PVT1: variants seen among roughly 807,000 people sequenced by gnomAD.
The protein encoded by PVT1 is Pvt1 oncogene.
intron 3 of PVT1, among the ~76,000 whole-genome samples, chr8:127,987,465 G>A (rs1272952981): frequency 6.6e-6 from 1 of 152,188 alleles, no homozygotes; most frequent in Non-Finnish European, 1.5e-5. Flanking sequence ...TAGAAAGAGG[G>A]GAGGCCTTTT....
At chr8:128,008,739 G>A (rs1817276454) in intron 4 of PVT1, among the ~76,000 whole-genome samples, 1 of 152,184 alleles carries the variant, frequency 6.6e-6, no homozygotes, top group Non-Finnish European at 1.5e-5. Flanking sequence ...CCCTGACCAT[G>A]CTGGGCACAA....
intron 3 of PVT1, among the ~76,000 whole-genome samples, chr8:127,963,165 AC>A (rs1816666013): frequency 6.6e-6 from 1 of 151,902 alleles, no homozygotes; most frequent in East Asian, 1.9e-4. Context: ...GAGATCTTCC[AC>A]CCCTCGCACG....
rs569734505 is a variant in PVT1, at chr8:127,950,048, T to C, written n.783-39114T>C. 1.1e-4 allele frequency among the ~76,000 whole-genome samples: 16 copies of C among 152,358 alleles called. No homozygotes were observed. The South Asian group carries it at 3.3e-3, about 32-fold the overall frequency. ...GGGAGTTTCCCTCCAACTTAAGCCA[T>C]TAGAAAGCTCATTTATTGAGCACTT... On this transcript the variant is annotated intron_variant and non_coding_transcript_variant, in intron 3 of 10. Coordinates refer to ENST00000651587, the Ensembl canonical transcript of PVT1.
At chr8:128,013,337 A>ATGT (rs1262597276) in intron 4 of PVT1, among the ~76,000 whole-genome samples, 1 of 152,092 alleles carries the variant, frequency 6.6e-6, no homozygotes, top group Non-Finnish European at 1.5e-5. Flanking sequence ...TTATCATTGT[A>ATGT]ATAGCTGCAT....
chr8:127,845,829 T>G (rs893076085), intron 2 of PVT1, among the ~76,000 whole-genome samples: 1 of 152,200 alleles, frequency 6.6e-6, no homozygotes, highest in African/African-American at 2.4e-5. Context: ...GGATTTTGTG[T>G]TCAAAAGAGA....
intron 3 of PVT1, among the ~76,000 whole-genome samples, chr8:127,934,463 G>A (rs1432947612): frequency 2.0e-5 from 3 of 152,300 alleles, no homozygotes; most frequent in East Asian, 1.9e-4. Context: ...GGGATGGGAG[G>A]AAGTTGGTCT....
chr8:127,878,317 T>C (rs1222976739), intron 2 of PVT1, among the ~76,000 whole-genome samples: 1 of 152,222 alleles, frequency 6.6e-6, no homozygotes, highest in African/African-American at 2.4e-5. Context: ...CCTGATTAAA[T>C]GGGAGCTTTT....
intron 2 of PVT1, among the ~76,000 whole-genome samples, chr8:127,881,855 C>T (rs7014504): frequency 0.45 from 68,477 of 151,762 alleles, 16,221 homozygotes; most frequent in East Asian, 0.81. Context: ...AATCCTCTTA[C>T]CTCAGCCTCC....
At chr8:127,950,282 G>A (rs183062439) in intron 3 of PVT1, among the ~76,000 whole-genome samples, 119 of 152,322 alleles carry the variant, frequency 7.8e-4, no homozygotes, top group Middle Eastern at 6.8e-3. Flanking sequence ...GCCCCGTGGC[G>A]GCATGCTGTT....
At chr8:127,948,262 C>T (rs889966647) in intron 3 of PVT1, 4 of 265,808 alleles carry the variant, frequency 1.5e-5, no homozygotes, top group Non-Finnish European at 2.2e-5. Context: ...AGAGGTATTC[C>T]CTGAGCCCCA....
rs142500647 is a variant in PVT1, at chr8:127,821,767, G to A, written n.372+25696G>A. Among the ~76,000 whole-genome samples, 79 of 151,806 alleles carry A rather than the reference G, an allele frequency of 5.2e-4. 1 individual carries two copies. The East Asian group carries it at 0.015, about 29-fold the overall frequency. On this transcript the variant is annotated intron_variant and non_coding_transcript_variant, in intron 2 of 10. Coordinates refer to ENST00000651587, the Ensembl canonical transcript of PVT1. ...GCGGAGCTTGCAGTGAGCTGAGATC[G>A]CACCACTGAACTCCAGCCTGGGCGA...
At chr8:127,892,242 G>A (rs1029530463) in intron 3 of PVT1, among the ~76,000 whole-genome samples, 17 of 152,314 alleles carry the variant, frequency 1.1e-4, no homozygotes, top group African/African-American at 4.1e-4. Flanking sequence ...GCTCTTAGAT[G>A]TGTTCTAATT....
intron 3 of PVT1, among the ~76,000 whole-genome samples, chr8:127,974,248 C>T (rs192330360): frequency 1.1e-4 from 17 of 152,260 alleles, no homozygotes; most frequent in Admixed American, 7.2e-4. Context: ...AGTTTCCATT[C>T]TCTGATTAGA....
chr8:127,838,020 C>A (rs1814928573), intron 2 of PVT1, among the ~76,000 whole-genome samples: 2 of 151,818 alleles, frequency 1.3e-5, no homozygotes, highest in South Asian at 2.1e-4. Context: ...GCCTCAGCCT[C>A]CTGAATAGCT....
chr8:127,873,536 G>A (rs1815374329), intron 2 of PVT1, among the ~76,000 whole-genome samples: 1 of 152,128 alleles, frequency 6.6e-6, no homozygotes, highest in Non-Finnish European at 1.5e-5. Context: ...TGTGTAGGAG[G>A]GACCCGGCGT....
chr8:127,931,129 C>T (rs1816201452), intron 3 of PVT1, among the ~76,000 whole-genome samples: 1 of 152,194 alleles, frequency 6.6e-6, no homozygotes, highest in South Asian at 2.1e-4. Context: ...TGGTCTCAAA[C>T]TCCTGGGCTC....
At chr8:127,815,619 T>G (rs1814651492) in intron 2 of PVT1, among the ~76,000 whole-genome samples, 1 of 152,184 alleles carries the variant, frequency 6.6e-6, no homozygotes, top group Non-Finnish European at 1.5e-5. Flanking sequence ...CTCTTGGGCA[T>G]GGCAGAAATT....
intron 4 of PVT1, among the ~76,000 whole-genome samples, chr8:128,047,391 G>A (rs940887254): frequency 6.6e-6 from 1 of 152,160 alleles, no homozygotes; most frequent in African/African-American, 2.4e-5. Flanking sequence ...CCACCAGAAT[G>A]GAAACGTTTT....
intron 2 of PVT1, among the ~76,000 whole-genome samples, chr8:127,819,456 C>T (rs912496137): frequency 1.3e-4 from 20 of 152,232 alleles, no homozygotes; most frequent in African/African-American, 2.9e-4. Flanking sequence ...GTTGTACAAA[C>T]GGAGAAACTG....
Sources: allele counts gnomAD v4.1 joint callset (sites outside exome capture counted in the v4.1 genomes callset), GRCh38; gene constraint gnomAD v4.1.1; transcripts MANE v1.5; gene names NCBI Gene and HGNC (gene_info 2026-07-23, HGNC 2026-07-21).